The following VPS13B variants were observed in gnomAD, a reference collection of about 807,000 sequenced individuals.
VPS13B encodes vacuolar protein sorting 13 homolog B.
A neutral mutation model predicts 426.4 loss-of-function variants in VPS13B; 285 were observed. The ratio of observed to expected loss-of-function variants is 0.67; its 90% CI spans 0.61 to 0.74. The LOEUF (loss-of-function observed/expected upper bound fraction) is 0.74, where lower values mean the gene tolerates loss of function less well. VPS13B is among the 30% of genes least tolerant of loss of function. VPS13B has a pLI of 0.00. For missense variants in VPS13B, 4,537 were observed against 4,782.6 expected (o/e 0.95, Z 1.51); for synonymous variants, 1,676 against 1,676.4 (o/e 1.00, Z 0.01).
chr8:99,794,427 C>T (rs1812704620), intron 43 of VPS13B, among the ~76,000 whole-genome samples: 1 of 152,194 alleles, frequency 6.6e-6, no homozygotes, highest in Non-Finnish European at 1.5e-5. Flanking sequence ...ACAGAAGACA[C>T]ACAGGAGTTT....
At chr8:99,663,537 G>C (rs1830325318) in intron 35 of VPS13B, among the ~76,000 whole-genome samples, 6 of 152,098 alleles carry the variant, frequency 3.9e-5, no homozygotes. Flanking sequence ...TAAGCCACTA[G>C]CAATTGTAAA....
chr8:99,397,217 C>A (rs1814775796), intron 21 of VPS13B, among the ~76,000 whole-genome samples: 1 of 152,142 alleles, frequency 6.6e-6, no homozygotes. Context: ...GTGATCTTGG[C>A]TCACTGCAAC....
chr8:99,789,065 T>C (rs72676250), intron 43 of VPS13B, among the ~76,000 whole-genome samples: 1,978 of 152,286 alleles, frequency 0.013, 22 homozygotes, highest in Non-Finnish European at 0.021. Context: ...AATCAGTACA[T>C]AACAGAAAGT....
At chr8:99,195,290 G>C (rs1231711923) in intron 17 of VPS13B, among the ~76,000 whole-genome samples, 1 of 152,152 alleles carries the variant, frequency 6.6e-6, no homozygotes, top group Admixed American at 6.5e-5. Context: ...ATGATGTTGA[G>C]TATGTTTTCA....
At chr8:99,261,227 AT>A (rs1390770533) in intron 17 of VPS13B, among the ~76,000 whole-genome samples, 2 of 152,042 alleles carry the variant, frequency 1.3e-5, no homozygotes, top group Non-Finnish European at 2.9e-5. Flanking sequence ...CATCCTTATC[AT>A]ATCATATAGA....
intron 17 of VPS13B, among the ~76,000 whole-genome samples, chr8:99,262,226 A>T (rs1367678714): frequency 6.6e-6 from 1 of 152,142 alleles, no homozygotes; most frequent in African/African-American, 2.4e-5. Flanking sequence ...ATGTTGTTTC[A>T]GTGGTTATAT....
At chr8:99,650,812 A>G (rs1829784196) in intron 34 of VPS13B, among the ~76,000 whole-genome samples, 1 of 152,214 alleles carries the variant, frequency 6.6e-6, no homozygotes, top group African/African-American at 2.4e-5. Context: ...GGCCCTCAGT[A>G]TTCATGGGTT....
chr8:99,702,128 A>G (rs1043989821), intron 36 of VPS13B, among the ~76,000 whole-genome samples: 15 of 152,160 alleles, frequency 9.9e-5, no homozygotes, highest in African/African-American at 3.6e-4. Context: ...GGTAAAAACT[A>G]TCCACCACCA....
intron 15 of VPS13B, among the ~76,000 whole-genome samples, chr8:99,168,454 A>G (rs1215970568): frequency 1.3e-5 from 2 of 152,106 alleles, no homozygotes. Context: ...AGCATAGGTA[A>G]TATGATGTGA....
At position 99,521,127 on chromosome 8, in the gene VPS13B, T is replaced by A; in HGVS notation, c.4745+117T>A. 3.5e-6 allele frequency: 3 copies of A among 852,040 alleles called. No homozygotes were observed. In the East Asian group the frequency reaches 7.8e-5, roughly 22 times the overall value. 52.8% of individuals were successfully genotyped at this position (852,040 alleles called of 1,614,324 possible). ...TTTCTCATTCAGGATCTTTTGATAT[T>A]TAAAACCAGGTTTTTCTGATTTTCT... On this transcript the variant is annotated intron_variant, in intron 30 of 61. Coordinates refer to ENST00000357162, the MANE Select transcript of VPS13B (RefSeq NM_152564.5).
chr8:99,200,381 T>G (rs571792237), intron 17 of VPS13B, among the ~76,000 whole-genome samples: 1 of 152,314 alleles, frequency 6.6e-6, no homozygotes, highest in Admixed American at 6.5e-5. Flanking sequence ...AGGTTTTTTT[T>G]TGTGAATGTA....
intron 53 of VPS13B, 52 bp downstream of exon 53, chr8:99,835,376 G>A (rs1815334313): frequency 1.3e-6 from 2 of 1,580,578 alleles, no homozygotes; most frequent in South Asian, 1.1e-5. Flanking sequence ...ATTTTTTCTG[G>A]GATTTTTTGA....
chr8:99,066,644 A>T lies in VPS13B; in HGVS notation c.291+28078A>T, dbSNP rs777184396. ...AAGTAATGGCAACAAAGGCCAAAATAGAGAAATGGGATCTAATTAAACTAA... is the reference window on the plus strand; with the variant it reads ...AAGTAATGGCAACAAAGGCCAAAATTGAGAAATGGGATCTAATTAAACTAA... On this transcript the variant is annotated intron_variant, in intron 3 of 61. Transcript: ENST00000357162. 4.7e-4 allele frequency among the ~76,000 whole-genome samples: 72 copies of T among 152,316 alleles called. 1 individual carries two copies. Among genetic ancestry groups the T allele is most frequent in the Admixed American group, 4.4e-3 (68 of 15,306 alleles).
At chr8:99,735,926 TG>T (rs1563889150) in intron 39 of VPS13B, among the ~76,000 whole-genome samples, 1 of 152,200 alleles carries the variant, frequency 6.6e-6, no homozygotes, top group Non-Finnish European at 1.5e-5. Context: ...CAGAGCACCA[TG>T]TAGAGCCCTT....
chr8:99,667,113 T>C (rs2084556), intron 35 of VPS13B, among the ~76,000 whole-genome samples: 29,059 of 152,150 alleles, frequency 0.19, 3,334 homozygotes, highest in East Asian at 0.45. Flanking sequence ...AAACTTGATT[T>C]TGCATTTGAA....
At chr8:99,134,907 TG>T in intron 9 of VPS13B, 107 bp from the exon 10 acceptor site, 1 of 1,369,798 alleles carries the variant, frequency 7.3e-7, no homozygotes, top group Non-Finnish European at 1.0e-6. Flanking sequence ...AATTTAAAAA[TG>T]ACATAATTCT....
rs1174378457 is a variant in VPS13B at position 99,861,834 on chromosome 8, C to G, written c.11103C>G (p.Leu3701=). Residue 3701 remains leucine, a synonymous_variant, in exon 58 of 62, where the codon CTC becomes CTG. Transcript: ENST00000357162. ...GCCTGGCCCGGAACATGGACCGGCT[C>G]TCACTGGATGAGGAGCACTACAACC... ...ATSLARNMDR[L]SLDEEHYNRQ... is the part of the protein sequence containing the mutation. 1.9e-6 allele frequency: 3 copies of G among 1,599,962 alleles called. No individual in the cohort carries two copies. The highest frequency in any genetic ancestry group is 1.7e-5 in the Admixed American group (1 of 57,728).
chr8:99,093,973 C>T (rs1237043515), intron 3 of VPS13B: 1 of 151,928 alleles, frequency 6.6e-6, no homozygotes, highest in Non-Finnish European at 1.5e-5. Context: ...TCATTTAATC[C>T]CATTTTGCTG....
At chr8:99,155,077 AAAAAG>A (rs1489127254) in intron 14 of VPS13B, among the ~76,000 whole-genome samples, 1 of 152,112 alleles carries the variant, frequency 6.6e-6, no homozygotes, top group Non-Finnish European at 1.5e-5. Context: ...ATCCATTAAA[AAAAAG>A]CACCAAATTA....
Sources: allele counts gnomAD v4.1 joint callset (sites outside exome capture counted in the v4.1 genomes callset), GRCh38; gene constraint gnomAD v4.1.1; transcripts MANE v1.5; gene names NCBI Gene and HGNC (gene_info 2026-07-23, HGNC 2026-07-21).